The following IKZF2 variants were observed in gnomAD, a reference collection of about 807,000 sequenced individuals.
The protein encoded by IKZF2 is zinc finger protein Helios.
In IKZF2, 15 loss-of-function variants were observed where a neutral mutation model predicts 49.2. The ratio of observed to expected loss-of-function variants is 0.30; its 90% CI spans 0.20 to 0.47. The LOEUF is 0.47. Among genes scored for constraint, IKZF2 ranks in the 20% least tolerant of loss-of-function variants. The probability of loss-of-function intolerance (pLI) is 1.00; values close to 1 mark genes in which losing one functional copy is unlikely to be tolerated. For missense variants in IKZF2, 567 were observed against 664.6 expected (o/e 0.85, Z 1.61); for synonymous variants, 227 against 221.4 (o/e 1.03, Z -0.23).
At chr2:213,144,081 T>G (rs939907042) in intron 4 of IKZF2, among the ~76,000 whole-genome samples, 1 of 151,908 alleles carries the variant, frequency 6.6e-6, no homozygotes, top group Non-Finnish European at 1.5e-5. Context: ...TTCGCTAGGT[T>G]CTAAAAATGG....
At chr2:213,095,033 T>C (rs1176801740) in intron 4 of IKZF2, among the ~76,000 whole-genome samples, 1 of 152,166 alleles carries the variant, frequency 6.6e-6, no homozygotes, top group African/African-American at 2.4e-5. Flanking sequence ...GAAAATGTTA[T>C]TCATAGTTGT....
intron 4 of IKZF2, among the ~76,000 whole-genome samples, chr2:213,081,814 C>A (rs540985897): frequency 3.3e-5 from 5 of 152,234 alleles, no homozygotes; most frequent in East Asian, 3.9e-4. Flanking sequence ...CAGACCAGAA[C>A]TGACATTAAA....
intron 4 of IKZF2, among the ~76,000 whole-genome samples, chr2:213,063,624 T>C (rs1476596839): frequency 5.3e-5 from 8 of 152,020 alleles, no homozygotes; most frequent in East Asian, 1.9e-4. Flanking sequence ...ACTGACATAT[T>C]CTTTTTTGAT....
At chr2:213,078,909 G>A (rs1399897444) in intron 4 of IKZF2, among the ~76,000 whole-genome samples, 1 of 152,206 alleles carries the variant, frequency 6.6e-6, no homozygotes, top group African/African-American at 2.4e-5. Context: ...AGAAACAATA[G>A]TGGCATGGTG....
At chr2:213,116,895 T>C (rs1163528642) in intron 4 of IKZF2, among the ~76,000 whole-genome samples, 1 of 152,188 alleles carries the variant, frequency 6.6e-6, no homozygotes, top group African/African-American at 2.4e-5. Context: ...AAAAAACATA[T>C]ATCATTAAAA....
chr2:213,078,184 G>C (rs1054546522), intron 4 of IKZF2, among the ~76,000 whole-genome samples: 1 of 152,192 alleles, frequency 6.6e-6, no homozygotes, highest in Non-Finnish European at 1.5e-5. Flanking sequence ...TAGAAGGGTA[G>C]AGAAATTGGC....
chr2:213,114,016 CTT>C (rs142742097), intron 4 of IKZF2, among the ~76,000 whole-genome samples: 1,909 of 152,352 alleles, frequency 0.013, 34 homozygotes, highest in African/African-American at 0.044. Context: ...TAATACATCT[CTT>C]GAGCCTGGTT....
At chr2:213,054,776 T>A (rs956349447) in intron 5 of IKZF2, among the ~76,000 whole-genome samples, 4 of 152,334 alleles carry the variant, frequency 2.6e-5, no homozygotes, top group African/African-American at 9.6e-5. Flanking sequence ...TGTTATGAGT[T>A]GAGTGAGTCT....
In IKZF2 at chr2:213,032,122, G is replaced by A. The variant is rs1221880735; in HGVS notation, c.575-9992C>T. On this transcript the variant is annotated intron_variant, in intron 6 of 8. Coordinates refer to ENST00000434687, the MANE Select transcript of IKZF2 (RefSeq NM_001387220.1). ...TTGATACTGTTTCATTATTACAAAT[G>A]TGCAAAATATTCATTATGGGGAATA... Among the ~76,000 whole-genome samples, 5 of 152,168 alleles carry A rather than the reference G, an allele frequency of 3.3e-5. No homozygotes were observed. In the East Asian group the frequency reaches 5.8e-4, roughly 18 times the overall value.
At chr2:213,114,878 C>T (rs973438715) in intron 4 of IKZF2, among the ~76,000 whole-genome samples, 3 of 149,812 alleles carry the variant, frequency 2.0e-5, no homozygotes, top group African/African-American at 4.9e-5. Flanking sequence ...GTAGTGAGCC[C>T]AGATGGTGCC....
At position 213,129,572 on chromosome 2, in the gene IKZF2, T is replaced by A. The variant is rs530426925; in HGVS notation, c.139+18136A>T. The stretch of plus-strand genomic sequence containing the variant: ...GAGATGGAGGCAGGGCCACAGCCTT[T>A]AGGACCTTACAGACTTTGGAAAGGA... On this transcript the variant is annotated intron_variant, in intron 4 of 8. Transcript: ENST00000434687. Among the ~76,000 whole-genome samples, 8 of 152,142 alleles carry A rather than the reference T, an allele frequency of 5.3e-5. No individual in the cohort carries two copies. In the East Asian group the frequency reaches 1.5e-3, roughly 29 times the overall value.
intron 2 of IKZF2, among the ~76,000 whole-genome samples, chr2:213,149,649 C>T (rs544240575): frequency 6.6e-6 from 1 of 152,142 alleles, no homozygotes; most frequent in Non-Finnish European, 1.5e-5. Context: ...GTATTGATCG[C>T]CAAGTATATT....
intron 4 of IKZF2, among the ~76,000 whole-genome samples, chr2:213,098,676 T>A (rs960495154): frequency 7.9e-5 from 12 of 151,880 alleles, no homozygotes; most frequent in Admixed American, 4.6e-4. Flanking sequence ...GGAAAAAAAA[T>A]ATATAGGAAT....
intron 4 of IKZF2, among the ~76,000 whole-genome samples, chr2:213,098,204 T>C (rs1473716525): frequency 6.6e-6 from 1 of 152,060 alleles, no homozygotes; most frequent in Non-Finnish European, 1.5e-5. Flanking sequence ...TTTAAACATA[T>C]CCAGATGATT....
intron 4 of IKZF2, among the ~76,000 whole-genome samples, chr2:213,061,009 C>T (rs1477624814): frequency 6.6e-6 from 1 of 151,400 alleles, no homozygotes; most frequent in East Asian, 1.9e-4. Flanking sequence ...CAAGCTTTTC[C>T]CCTCTTCTTC....
At chr2:213,149,478 T>C (rs1431099173) in intron 2 of IKZF2, among the ~76,000 whole-genome samples, 1 of 152,158 alleles carries the variant, frequency 6.6e-6, no homozygotes, top group Non-Finnish European at 1.5e-5. Flanking sequence ...AATGAAAAGA[T>C]CGATAATCTA....
At chr2:213,090,652 C>A (rs1387303101) in intron 4 of IKZF2, among the ~76,000 whole-genome samples, 2 of 151,944 alleles carry the variant, frequency 1.3e-5, no homozygotes, top group African/African-American at 2.4e-5. Context: ...TAGGGTGAGC[C>A]CTTAATCTAT....
intron 4 of IKZF2, among the ~76,000 whole-genome samples, chr2:213,103,494 G>C (rs1317493803): frequency 1.3e-5 from 2 of 152,164 alleles, no homozygotes; most frequent in African/African-American, 2.4e-5. Flanking sequence ...TAGTGAATGA[G>C]AGAATGAATG....
At chr2:213,147,674 A>G (rs2061124907) in intron 4 of IKZF2, 34 bp downstream of exon 4, 1 of 1,499,202 alleles carries the variant, frequency 6.7e-7, no homozygotes, top group African/African-American at 1.4e-5. Context: ...AGAGACACAC[A>G]CACACAAAAA....
Sources: gnomAD v4.1 joint callset for allele counts (sites outside exome capture counted in the v4.1 genomes callset) on GRCh38, gnomAD v4.1.1 for gene constraint, MANE v1.5 for transcripts, NCBI Gene and HGNC (gene_info 2026-07-23, HGNC 2026-07-21) for gene names.